Variants in KCNT2 observed in about 807,000 individuals in gnomAD.
KCNT2 encodes potassium channel subfamily T member 2.
Under a neutral mutation model 153.8 loss-of-function variants are expected in KCNT2, and 67 were observed. The ratio of observed to expected loss-of-function variants is 0.44; its 90% CI spans 0.36 to 0.53. The LOEUF (loss-of-function observed/expected upper bound fraction) is 0.53, where lower values mean the gene tolerates loss of function less well. KCNT2 is among the 20% of genes least tolerant of loss of function. The probability of loss-of-function intolerance (pLI) is 0.00; values close to 1 mark genes in which losing one functional copy is unlikely to be tolerated. For missense variants in KCNT2, 975 were observed against 1,354.8 expected, an observed-to-expected ratio of 0.72 and a Z score of 4.40; for synonymous variants, 500 against 458.8, an observed-to-expected ratio of 1.09 and a Z score of -1.15.
At position 196,300,378 on chromosome 1, in the gene KCNT2, T is replaced by C. The variant is rs75675590; in HGVS notation, c.2595+4856A>G. 5.1e-3 allele frequency among the ~76,000 whole-genome samples: 783 copies of C among 152,312 alleles called. 5 individuals are homozygous for C. Among genetic ancestry groups the C allele is most frequent in the Middle Eastern group, 0.014 (4 of 294 alleles). Reference sequence around the variant, plus strand: ...GGATTCAGGACATGCTACTCCAAAATATGTCAGCTTGACATGTGAGAAAAT... The same window carrying C: ...GGATTCAGGACATGCTACTCCAAAACATGTCAGCTTGACATGTGAGAAAAT... On this transcript the variant is annotated intron_variant, in intron 22 of 27. Transcript: ENST00000294725.
At chr1:196,477,430 T>TA (rs1397815024) in intron 5 of KCNT2, among the ~76,000 whole-genome samples, 10 of 151,538 alleles carry the variant, frequency 6.6e-5, no homozygotes, top group African/African-American at 2.4e-4. Flanking sequence ...TACAAAAAAA[T>TA]ACAAAAAAAA....
At chr1:196,492,661 A>C (rs1679947987) in intron 1 of KCNT2, among the ~76,000 whole-genome samples, 1 of 152,154 alleles carries the variant, frequency 6.6e-6, no homozygotes, top group South Asian at 2.1e-4. Flanking sequence ...TCAAAACAGC[A>C]ATAATGCAAA....
intron 1 of KCNT2, among the ~76,000 whole-genome samples, chr1:196,494,594 T>A (rs1272029944): frequency 1.3e-5 from 2 of 152,028 alleles, no homozygotes; most frequent in Admixed American, 1.3e-4. Flanking sequence ...CCTGACCTCG[T>A]GATCCGCCCA....
chr1:196,500,942 TATGCCACC>T (rs1558013270), intron 1 of KCNT2, among the ~76,000 whole-genome samples: 1 of 152,030 alleles, frequency 6.6e-6, no homozygotes, highest in Non-Finnish European at 1.5e-5. Context: ...GCCACAAACA[TATGCCACC>T]ATGCTCAACA....
At chr1:196,466,648 T>C (rs1677642628) in intron 7 of KCNT2, among the ~76,000 whole-genome samples, 1 of 152,076 alleles carries the variant, frequency 6.6e-6, no homozygotes, top group Non-Finnish European at 1.5e-5. Context: ...ATTTTGTATA[T>C]ATGTATGTAT....
Position 196,399,794 on chromosome 1 carries a change from G to A in KCNT2, c.1186-1123C>T, listed in dbSNP as rs1671256427. 3.3e-5 allele frequency among the ~76,000 whole-genome samples: 5 copies of A among 151,706 alleles called. No individual in the cohort carries two copies. In the South Asian group the frequency reaches 1.0e-3, roughly 31 times the overall value. ...TCGTGAGGGCAGTCATCATGAATGG[G>A]ATTAATACCCATATAAAAGACACCT... On this transcript the variant is annotated intron_variant, in intron 12 of 27. Transcript: ENST00000294725.
intron 1 of KCNT2, among the ~76,000 whole-genome samples, chr1:196,553,552 C>T (rs781686456): frequency 2.7e-4 from 41 of 151,018 alleles, no homozygotes; most frequent in Non-Finnish European, 4.5e-4. Flanking sequence ...GCTGATTAAA[C>T]ACATCACTTT....
intron 1 of KCNT2, among the ~76,000 whole-genome samples, chr1:196,548,141 AC>A (rs1357925610): frequency 1.3e-5 from 2 of 151,728 alleles, no homozygotes; most frequent in Non-Finnish European, 2.9e-5. Context: ...AGTAAAAAAA[AC>A]ATTTCTTTGT....
intron 19 of KCNT2, among the ~76,000 whole-genome samples, chr1:196,321,395 T>C (rs1315650081): frequency 1.3e-5 from 2 of 151,960 alleles, no homozygotes; most frequent in African/African-American, 2.4e-5. Flanking sequence ...ATGCCAACCC[T>C]TCTACTAGAG....
At chr1:196,244,053 CT>C (rs1231759577) in intron 26 of KCNT2, among the ~76,000 whole-genome samples, 1 of 152,070 alleles carries the variant, frequency 6.6e-6, no homozygotes, top group Non-Finnish European at 1.5e-5. Context: ...ACATTCCAGG[CT>C]CTAGCTCCCA....
At chr1:196,407,309 C>T (rs955777084) in intron 12 of KCNT2, among the ~76,000 whole-genome samples, 2 of 151,412 alleles carry the variant, frequency 1.3e-5, no homozygotes, top group African/African-American at 4.8e-5. Context: ...GTCAGGTTAT[C>T]TTGACGGCGT....
intron 27 of KCNT2, among the ~76,000 whole-genome samples, chr1:196,229,404 C>T (rs1213573661): frequency 6.6e-6 from 1 of 152,014 alleles, no homozygotes; most frequent in Non-Finnish European, 1.5e-5. Flanking sequence ...TATGTGTGTT[C>T]TGATCACTCC....
intron 3 of KCNT2, 64 bp from the exon 4 acceptor site, chr1:196,482,443 T>G (rs1679091580): frequency 3.4e-6 from 3 of 874,390 alleles, no homozygotes; most frequent in Non-Finnish European, 5.2e-6. Flanking sequence ...CTTTTAAAAT[T>G]CAGTTAAAGT....
intron 8 of KCNT2, among the ~76,000 whole-genome samples, chr1:196,436,471 T>C (rs1325066542): frequency 1.3e-5 from 2 of 151,574 alleles, no homozygotes; most frequent in African/African-American, 4.8e-5. Flanking sequence ...ATACTGGATT[T>C]GCCTTATGCA....
chr1:196,284,320 GC>G, intron 23 of KCNT2, among the ~76,000 whole-genome samples: 1 of 118,282 alleles, frequency 8.5e-6, no homozygotes, highest in Admixed American at 9.6e-5. Context: ...AGAAAATCAT[GC>G]AATTTCCTGT....
At position 196,313,350 on chromosome 1, in the gene KCNT2, A is replaced by T. The variant is rs12034304; in HGVS notation, c.2483+2542T>A. On this transcript the variant is annotated intron_variant, in intron 21 of 27. Transcript: ENST00000294725. ...ATAGTTCAAGGTTTAGGCTATGACC[A>T]TGAGAATGGGTGGTGAAGGTCAGAT... is the stretch of plus-strand genomic sequence containing the variant. 3.3e-5 allele frequency among the ~76,000 whole-genome samples: 5 copies of T among 151,812 alleles called. No homozygotes were observed. In the East Asian group the frequency reaches 9.7e-4, roughly 30 times the overall value.
At chr1:196,591,757 G>A (rs1354548449) in intron 1 of KCNT2, among the ~76,000 whole-genome samples, 2 of 152,096 alleles carry the variant, frequency 1.3e-5, no homozygotes, top group Admixed American at 6.6e-5. Context: ...CACATCATAA[G>A]GTAGCAAGAT....
intron 1 of KCNT2, among the ~76,000 whole-genome samples, chr1:196,524,065 C>T (rs1653852131): frequency 6.6e-6 from 1 of 151,910 alleles, no homozygotes; most frequent in Admixed American, 6.6e-5. Flanking sequence ...CAAAAACGAA[C>T]AAGCTGTAAC....
intron 13 of KCNT2, among the ~76,000 whole-genome samples, chr1:196,389,995 T>TA (rs1670332528): frequency 6.6e-6 from 1 of 151,594 alleles, no homozygotes; most frequent in Non-Finnish European, 1.5e-5. Context: ...GCCTGGCTTT[T>TA]AGAGTTTCAT....
Sources: gnomAD v4.1 joint callset for allele counts (sites outside exome capture counted in the v4.1 genomes callset) on GRCh38, gnomAD v4.1.1 for gene constraint, MANE v1.5 for transcripts, NCBI Gene and HGNC (gene_info 2026-07-23, HGNC 2026-07-21) for gene names.